The following CDKAL1 variants were observed in gnomAD, a reference collection of about 807,000 sequenced individuals.
CDKAL1 encodes CDKAL1 threonylcarbamoyladenosine tRNA methylthiotransferase.
Under a neutral mutation model 68.2 loss-of-function variants are expected in CDKAL1, and 32 were observed. The ratio of observed to expected loss-of-function variants is 0.47; its 90% CI spans 0.35 to 0.63. The LOEUF (loss-of-function observed/expected upper bound fraction) is 0.63. CDKAL1 is among the 30% of genes least tolerant of loss of function. The pLI is 0.00. For missense variants in CDKAL1, 606 were observed against 696.7 expected (o/e 0.87, Z 1.47); for synonymous variants, 234 against 244.3 (o/e 0.96, Z 0.39).
chr6:20,752,295 C>T (rs999224728), intron 6 of CDKAL1, among the ~76,000 whole-genome samples: 4 of 151,378 alleles, frequency 2.6e-5, no homozygotes, highest in African/African-American at 9.7e-5. Flanking sequence ...TCCTGGGGTT[C>T]CCACACACCA....
intron 11 of CDKAL1, among the ~76,000 whole-genome samples, chr6:21,036,551 T>C (rs561999947): frequency 6.6e-6 from 1 of 152,342 alleles, no homozygotes; most frequent in East Asian, 1.9e-4. Context: ...TTCCAAAGTG[T>C]CTACCGATGA....
chr6:20,966,457 G>T (rs57507453), intron 10 of CDKAL1, among the ~76,000 whole-genome samples: 1,638 of 152,218 alleles, frequency 0.011, 29 homozygotes, highest in African/African-American at 0.036. Flanking sequence ...TTAAATATGG[G>T]CACAATCCAT....
chr6:20,978,148 G>C (rs1478621527), intron 10 of CDKAL1, among the ~76,000 whole-genome samples: 2 of 152,154 alleles, frequency 1.3e-5, no homozygotes, highest in Admixed American at 1.3e-4. Flanking sequence ...TCACAGATGT[G>C]CCTTCCCAGC....
chr6:20,819,981 A>G (rs970729377), intron 8 of CDKAL1, among the ~76,000 whole-genome samples: 2 of 152,196 alleles, frequency 1.3e-5, no homozygotes, highest in African/African-American at 4.8e-5. Context: ...AGCACTACGT[A>G]GAAGAGGCTT....
chr6:20,536,148 C>T (rs1037655502), intron 2 of CDKAL1, among the ~76,000 whole-genome samples: 3 of 149,406 alleles, frequency 2.0e-5, no homozygotes, highest in Non-Finnish European at 4.4e-5. Flanking sequence ...TGCCTAGGCT[C>T]TGGCCTTGTA....
intron 4 of CDKAL1, among the ~76,000 whole-genome samples, chr6:20,560,011 A>T (rs369656702): frequency 2.0e-5 from 3 of 152,154 alleles, no homozygotes; most frequent in Non-Finnish European, 4.4e-5. Flanking sequence ...AACTTCTGAG[A>T]TGTTAACAAT....
Position 21,216,633 on chromosome 6 carries a change from GT to G in CDKAL1, c.1549-14213del, listed in dbSNP as rs370571550. On this transcript the variant is annotated intron_variant, in intron 15 of 15. Transcript: ENST00000274695. ...AAACGTGCTAATGGAGAAGAGGGAG[GT>G]TAGCGACTGGGGCCCATCTAAGAAA... Among the ~76,000 whole-genome samples, 580 of 152,230 alleles carry G rather than the reference GT, an allele frequency of 3.8e-3. 3 individuals are homozygous for G. The highest frequency in any genetic ancestry group is 0.013 in the African/African-American group (552 of 41,520).
intron 4 of CDKAL1, among the ~76,000 whole-genome samples, chr6:20,558,254 A>G (rs1304207435): frequency 6.6e-6 from 1 of 152,172 alleles, no homozygotes; most frequent in Non-Finnish European, 1.5e-5. Context: ...TGGATCACCG[A>G]GCTGTATTCT....
At position 21,169,627 on chromosome 6, in the gene CDKAL1, ACT is replaced by A. The variant is rs1486428637; in HGVS notation, c.1300-28391_1300-28390del. Among the ~76,000 whole-genome samples the A allele has an allele frequency of 3.9e-5, 6 of 152,186 alleles. No homozygotes were observed. The East Asian group carries it at 9.7e-4, about 25-fold the overall frequency. On this transcript the variant is annotated intron_variant, in intron 13 of 15. Transcript: ENST00000274695. ...CCCCAGCCTTGGGTGACAGAGCGAGACTCTGTCTCAGAAGAAAAGTCATCAAA... is the reference window on the plus strand; with the variant it reads ...CCCCAGCCTTGGGTGACAGAGCGAGACTGTCTCAGAAGAAAAGTCATCAAA...
chr6:20,966,092 A>G (rs1765297014), intron 10 of CDKAL1, among the ~76,000 whole-genome samples: 1 of 149,314 alleles, frequency 6.7e-6, no homozygotes, highest in Non-Finnish European at 1.5e-5. Flanking sequence ...TTCATGATCT[A>G]GAACAGACGG....
chr6:20,989,572 ACT>A (rs1326648456), intron 10 of CDKAL1, among the ~76,000 whole-genome samples: 6 of 152,152 alleles, frequency 3.9e-5, no homozygotes, highest in Non-Finnish European at 7.3e-5. Context: ...AGCCAATAAA[ACT>A]CTCTGAGCTG....
intron 9 of CDKAL1, among the ~76,000 whole-genome samples, chr6:20,930,067 A>T (rs1034314374): frequency 1.3e-5 from 2 of 152,116 alleles, no homozygotes; most frequent in African/African-American, 4.8e-5. Context: ...TGATTTCTGG[A>T]CTTTTCTTGA....
chr6:21,141,119 A>G lies in CDKAL1; in HGVS notation c.1299+32656A>G, dbSNP rs77477086. On this transcript the variant is annotated intron_variant, in intron 13 of 15. Transcript: ENST00000274695. ...GAGATTTGAATGGGGACACAGCCAA[A>G]CCATATCACTACACAAGCCTTATAT... Among the ~76,000 whole-genome samples, 896 of 152,176 alleles carry G rather than the reference A, an allele frequency of 5.9e-3. 46 individuals carry two copies. In the East Asian group the frequency reaches 0.11, roughly 19 times the overall value.
In CDKAL1 at chr6:21,065,132, TG is replaced by T. The variant is rs778273652; in HGVS notation, c.1141del (p.Val381LeufsTer32). ...AGGATTTTCAAGAAACAGTGAAACT[TG>T]TTGAAGAGTACAAATTCCCAAGCCT... ...DQDFQETVKL[V>X]EEYKFPSLFI... is the part of the protein sequence containing the mutation. On this transcript the variant is annotated frameshift_variant, in exon 12 of 16. Transcript: ENST00000274695. LOFTEE classifies it high-confidence loss of function. 1.2e-6 allele frequency: 2 copies of T among 1,608,820 alleles called. No individual in the cohort carries two copies.
At chr6:21,195,806 G>A (rs564935271) in intron 13 of CDKAL1, among the ~76,000 whole-genome samples, 6 of 152,130 alleles carry the variant, frequency 3.9e-5, no homozygotes, top group South Asian at 2.1e-4. Flanking sequence ...CACCGGGCCC[G>A]GCCACTCTGG....
intron 15 of CDKAL1, among the ~76,000 whole-genome samples, chr6:21,207,183 G>C (rs1778973363): frequency 6.6e-6 from 1 of 151,498 alleles, no homozygotes; most frequent in African/African-American, 2.4e-5. Context: ...AAAGTGCAGG[G>C]ATTAGAGGCG....
intron 4 of CDKAL1, among the ~76,000 whole-genome samples, chr6:20,592,615 T>C (rs1372392149): frequency 1.3e-5 from 2 of 152,058 alleles, no homozygotes; most frequent in Non-Finnish European, 2.9e-5. Flanking sequence ...ATCACAGGCA[T>C]GTGCCACCAT....
intron 13 of CDKAL1, among the ~76,000 whole-genome samples, chr6:21,189,867 G>A (rs1439897829): frequency 6.6e-6 from 1 of 152,188 alleles, no homozygotes; most frequent in East Asian, 1.9e-4. Context: ...GAAAATTACT[G>A]TATACCCAGG....
intron 9 of CDKAL1, among the ~76,000 whole-genome samples, chr6:20,867,453 A>G (rs1179509096): frequency 6.6e-6 from 1 of 152,232 alleles, no homozygotes; most frequent in African/African-American, 2.4e-5. Context: ...AATGTTCAAA[A>G]AACACGATTT....
Sources: gnomAD v4.1 joint callset for allele counts (sites outside exome capture counted in the v4.1 genomes callset) on GRCh38, gnomAD v4.1.1 for gene constraint, MANE v1.5 for transcripts, NCBI Gene and HGNC (gene_info 2026-07-23, HGNC 2026-07-21) for gene names.